CCDC171: variants seen among roughly 807,000 people sequenced by gnomAD.
CCDC171 encodes coiled-coil domain containing 171, also known as coiled-coil domain-containing protein 171.
Under a neutral mutation model 168.2 loss-of-function variants are expected in CCDC171, and 177 were observed. The observed-to-expected ratio is 1.05, with a 90% CI of 0.93 to 1.19. The LOEUF is 1.19. CCDC171 is among the 50% of genes most tolerant of loss of function. CCDC171 has a pLI of 0.00. For missense variants in CCDC171, 1,991 were observed against 1,539.0 expected, an observed-to-expected ratio of 1.29 and a Z score of -4.91; for synonymous variants, 687 against 540.8, an observed-to-expected ratio of 1.27 and a Z score of -3.75.
rs976299370 is a variant in CCDC171 at position 15,777,328 on chromosome 9, G to A, written c.2672-272G>A. 3.3e-5 allele frequency among the ~76,000 whole-genome samples: 5 copies of A among 152,294 alleles called. No individual in the cohort carries two copies. In the South Asian group the frequency reaches 8.3e-4, roughly 25 times the overall value. ...GTTAGGTTTTAAAACAAAGAAAAGA[G>A]TGATGAATTTTTAGTGTCATGCTAT... On this transcript the variant is annotated intron_variant, in intron 18 of 25. Transcript: ENST00000380701.
intron 17 of CCDC171, among the ~76,000 whole-genome samples, chr9:15,745,090 T>C (rs1196732248): frequency 6.6e-6 from 1 of 152,188 alleles, no homozygotes; most frequent in Non-Finnish European, 1.5e-5. Flanking sequence ...GTTATGTCAA[T>C]CAAAAACTGC....
At chr9:15,588,378 G>A (rs2041731444) in intron 4 of CCDC171, 1 of 255,226 alleles carries the variant, frequency 3.9e-6, no homozygotes, top group Non-Finnish European at 8.2e-6. Context: ...AGCCTGAAGG[G>A]GATGCTACAG....
intron 24 of CCDC171, among the ~76,000 whole-genome samples, chr9:15,891,030 T>G (rs1820148836): frequency 6.6e-6 from 1 of 152,152 alleles, no homozygotes; most frequent in Admixed American, 6.6e-5. Flanking sequence ...ATATTGAAAA[T>G]TGTTCATATT....
intron 3 of CCDC171, among the ~76,000 whole-genome samples, chr9:16,019,374 T>C (rs979592363): frequency 3.3e-5 from 5 of 152,240 alleles, no homozygotes; most frequent in Admixed American, 6.5e-5. Context: ...TGTTAGTGGA[T>C]AGATGAGGGG....
chr9:15,799,324 C>G (rs936773851), intron 21 of CCDC171, among the ~76,000 whole-genome samples: 6 of 151,122 alleles, frequency 4.0e-5, no homozygotes, highest in African/African-American at 1.5e-4. Flanking sequence ...TCTTTTAGCA[C>G]TTTAAATATG....
intron 6 of CCDC171, among the ~76,000 whole-genome samples, chr9:15,600,572 A>T (rs750412449): frequency 6.6e-6 from 1 of 151,734 alleles, no homozygotes; most frequent in African/African-American, 2.4e-5. Context: ...CAGTTAGGCT[A>T]CTCGGGGGTC....
intron 3 of CCDC171, among the ~76,000 whole-genome samples, chr9:15,574,902 A>G (rs2040515662): frequency 6.6e-6 from 1 of 152,238 alleles, no homozygotes; most frequent in African/African-American, 2.4e-5. Context: ...ATTAGTAGAC[A>G]GAGGGTACAG....
At chr9:15,778,519 G>A (rs1487718175) in intron 19 of CCDC171, among the ~76,000 whole-genome samples, 4 of 150,912 alleles carry the variant, frequency 2.7e-5, no homozygotes, top group Non-Finnish European at 4.4e-5. Flanking sequence ...GGTGCCTCAT[G>A]CCTCTAATCC....
At chr9:15,660,188 C>T (rs72706662) in intron 8 of CCDC171, among the ~76,000 whole-genome samples, 3 of 152,100 alleles carry the variant, frequency 2.0e-5, no homozygotes, top group Non-Finnish European at 4.4e-5. Context: ...TTCTCAGATC[C>T]CTATATTTGA....
chr9:15,876,786 C>G (rs540895243), intron 24 of CCDC171, among the ~76,000 whole-genome samples: 3 of 151,982 alleles, frequency 2.0e-5, no homozygotes, highest in African/African-American at 7.2e-5. Context: ...CTAAGTGTGG[C>G]TACTGACTTG....
intron 6 of CCDC171, among the ~76,000 whole-genome samples, chr9:15,596,305 T>C (rs1249935162): frequency 5.3e-5 from 8 of 152,022 alleles, no homozygotes; most frequent in Admixed American, 5.2e-4. Flanking sequence ...TTAATCCATC[T>C]TGAATTAATT....
intron 24 of CCDC171, among the ~76,000 whole-genome samples, chr9:15,904,189 C>A (rs1822153444): frequency 6.6e-6 from 1 of 152,110 alleles, no homozygotes; most frequent in Non-Finnish European, 1.5e-5. Context: ...CACAAAGATA[C>A]TCCTCGAGAA....
chr9:15,930,973 A>G (rs995345896), intron 25 of CCDC171, among the ~76,000 whole-genome samples: 5 of 151,588 alleles, frequency 3.3e-5, no homozygotes, highest in African/African-American at 1.2e-4. Flanking sequence ...AGAACATTCA[A>G]AGCCTCTCTT....
intron 4 of CCDC171, among the ~76,000 whole-genome samples, chr9:15,580,513 T>C (rs557425850): frequency 1.4e-4 from 22 of 152,106 alleles, no homozygotes; most frequent in Non-Finnish European, 2.5e-4. Context: ...CCAGAATCTA[T>C]GAGGAACTCA....
chr9:16,074,927 A>T, the CCDC171 span, among the ~76,000 whole-genome samples: 14 of 152,190 alleles, frequency 9.2e-5, no homozygotes, highest in Admixed American at 3.9e-4. Context: ...CTAAGTACAA[A>T]AGTGACTAAA....
intron 6 of CCDC171, among the ~76,000 whole-genome samples, chr9:16,023,638 T>A (rs184227124): frequency 1.3e-5 from 2 of 152,308 alleles, no homozygotes; most frequent in Admixed American, 1.3e-4. Flanking sequence ...CTGGGAGACT[T>A]CCAGAATAAA....
intron 18 of CCDC171, among the ~76,000 whole-genome samples, chr9:15,752,359 A>G (rs1018019573): frequency 3.3e-5 from 5 of 152,226 alleles, no homozygotes; most frequent in Admixed American, 6.5e-5. Flanking sequence ...TCAAGGATCT[A>G]GAACTAGAAA....
intron 7 of CCDC171, among the ~76,000 whole-genome samples, chr9:15,624,620 T>C: frequency 6.6e-6 from 1 of 152,208 alleles, no homozygotes; most frequent in South Asian, 2.1e-4. Flanking sequence ...GCTTCATCCA[T>C]GTCCCTACAA....
intron 2 of CCDC171, among the ~76,000 whole-genome samples, chr9:15,566,930 C>T (rs531554344): frequency 5.9e-5 from 9 of 152,176 alleles, no homozygotes; most frequent in Non-Finnish European, 7.4e-5. Context: ...AACATTTCCC[C>T]GTTGAATTGC....
Sources: allele counts gnomAD v4.1 joint callset (sites outside exome capture counted in the v4.1 genomes callset), GRCh38; gene constraint gnomAD v4.1.1; transcripts MANE v1.5; gene names NCBI Gene and HGNC (gene_info 2026-07-23, HGNC 2026-07-21).